SLC16A10: variants seen among roughly 807,000 people sequenced by gnomAD.
The protein encoded by SLC16A10 is solute carrier family 16 member 10.
In SLC16A10, 27 loss-of-function variants were observed where a neutral mutation model predicts 40.0. That is an observed-to-expected ratio of 0.67 (90% CI 0.50 to 0.93). SLC16A10 has a LOEUF of 0.93. Among genes scored for constraint, SLC16A10 ranks in the 40% least tolerant of loss-of-function variants. The pLI is 0.00. For missense variants in SLC16A10, 529 were observed against 658.2 expected (o/e 0.80, Z 2.15); for synonymous variants, 213 against 249.8 (o/e 0.85, Z 1.39).
At chr6:111,138,743 T>G (rs926435221) in intron 1 of SLC16A10, among the ~76,000 whole-genome samples, 1 of 152,058 alleles carries the variant, frequency 6.6e-6, no homozygotes, top group Non-Finnish European at 1.5e-5. Context: ...GCCTCAGCCT[T>G]CCAAGTAGCT....
chr6:111,226,037 C>T lies in SLC16A10; in HGVS notation c.*3802C>T, dbSNP rs1303880245. 1.3e-5 allele frequency: 2 copies of T among 152,048 alleles called. No homozygotes were observed. The highest frequency in any genetic ancestry group is 1.9e-4 in the East Asian group (1 of 5,192). 9.4% of individuals were successfully genotyped at this position (152,048 alleles called of 1,614,324 possible). A position where few individuals can be genotyped will look rare whatever the true frequency, so the allele number is the denominator to read the frequency against. On this transcript the variant is annotated 3_prime_UTR_variant, in exon 6 of 6. Transcript: ENST00000368851. The stretch of plus-strand genomic sequence containing the variant: ...TGGTGAATGGCTTTCTCTCAGCCTT[C>T]GACTTAGTTCTAATGATCTACATTG...
intron 1 of SLC16A10, among the ~76,000 whole-genome samples, chr6:111,158,616 G>A (rs1166199140): frequency 1.3e-5 from 2 of 152,214 alleles, no homozygotes; most frequent in African/African-American, 4.8e-5. Flanking sequence ...GTTCCTAACA[G>A]GCTCGGGGGC....
chr6:111,118,459 A>G (rs1205037438), intron 1 of SLC16A10, among the ~76,000 whole-genome samples: 1 of 152,078 alleles, frequency 6.6e-6, no homozygotes, highest in African/African-American at 2.4e-5. Context: ...AGGCGGGCGG[A>G]TCACGAGGTG....
chr6:111,220,028 G>A (rs1770860504), intron 5 of SLC16A10, among the ~76,000 whole-genome samples: 1 of 152,238 alleles, frequency 6.6e-6, no homozygotes, highest in Non-Finnish European at 1.5e-5. Flanking sequence ...GATCAAGGCT[G>A]CAGAGCCGTG....
chr6:111,210,763 G>A (rs762016301), intron 4 of SLC16A10, among the ~76,000 whole-genome samples: 7 of 152,284 alleles, frequency 4.6e-5, no homozygotes, highest in Non-Finnish European at 8.8e-5. Context: ...TTGGCCGGGC[G>A]CAGTGGTTCA....
In SLC16A10 at chr6:111,087,714, C is replaced by G. The variant is rs1583295095; in HGVS notation, c.-39C>G. ...GGGAGCCCGCTGGTAACTCGCGTCC[C>G]TCGCGCTTCTCCGGCGCCTGAGGGG... On this transcript the variant is annotated 5_prime_UTR_variant, in exon 1 of 6. Coordinates refer to ENST00000368851, the MANE Select transcript of SLC16A10 (RefSeq NM_018593.5). The G allele has an allele frequency of 3.5e-6, 4 of 1,134,872 alleles. No homozygotes were observed. The highest frequency in any genetic ancestry group is 3.2e-5 in the African/African-American group (2 of 61,602). 70.3% of individuals were successfully genotyped at this position (1,134,872 alleles called of 1,614,324 possible). A position where few individuals can be genotyped will look rare whatever the true frequency, so the allele number is the denominator to read the frequency against.
chr6:111,128,696 A>C (rs1771725956), intron 1 of SLC16A10, among the ~76,000 whole-genome samples: 1 of 152,074 alleles, frequency 6.6e-6, no homozygotes, highest in Non-Finnish European at 1.5e-5. Flanking sequence ...GTTGTTCCTT[A>C]TAGAAGATGG....
chr6:111,159,067 CAAAAAAAAAAAA>C (rs548809670), intron 1 of SLC16A10, among the ~76,000 whole-genome samples: 686 of 23,398 alleles, frequency 0.029, 14 homozygotes, highest in Non-Finnish European at 0.041. Flanking sequence ...GACCCTGACT[CAAAAAAAAAAAA>C]AAAAAAAAAA....
At chr6:111,117,716 G>A (rs915504978) in intron 1 of SLC16A10, among the ~76,000 whole-genome samples, 9 of 152,166 alleles carry the variant, frequency 5.9e-5, no homozygotes, top group Admixed American at 2.6e-4. Context: ...TCTTGCCACC[G>A]TAGATAGAAT....
chr6:111,154,483 C>T (rs1369302489), intron 1 of SLC16A10, among the ~76,000 whole-genome samples: 1 of 152,140 alleles, frequency 6.6e-6, no homozygotes, highest in African/African-American at 2.4e-5. Flanking sequence ...TGGCAAACAA[C>T]ATGAAAAGGG....
At chr6:111,181,970 T>G (rs866960968) in intron 3 of SLC16A10, among the ~76,000 whole-genome samples, 1 of 151,982 alleles carries the variant, frequency 6.6e-6, no homozygotes, top group Non-Finnish European at 1.5e-5. Flanking sequence ...CTGGAATCTT[T>G]TTTTGTTTTG....
intron 1 of SLC16A10, among the ~76,000 whole-genome samples, chr6:111,091,026 G>T (rs1770965494): frequency 6.6e-6 from 1 of 152,110 alleles, no homozygotes; most frequent in African/African-American, 2.4e-5. Flanking sequence ...CTTTCCTGTG[G>T]CTAAGCACTT....
chr6:111,185,800 G>T (rs1018731431), intron 3 of SLC16A10, among the ~76,000 whole-genome samples: 1 of 152,018 alleles, frequency 6.6e-6, no homozygotes, highest in African/African-American at 2.4e-5. Context: ...ACATATAAAC[G>T]CTCCGAGGCC....
At chr6:111,112,324 C>T (rs1203316858) in intron 1 of SLC16A10, among the ~76,000 whole-genome samples, 5 of 152,112 alleles carry the variant, frequency 3.3e-5, no homozygotes, top group African/African-American at 7.2e-5. Context: ...AATGAGCCAC[C>T]GTGCCTGGCC....
intron 3 of SLC16A10, among the ~76,000 whole-genome samples, chr6:111,182,754 G>A (rs1413944898): frequency 1.3e-5 from 2 of 152,136 alleles, no homozygotes; most frequent in East Asian, 1.9e-4. Context: ...CATCTCAGGA[G>A]CTGGCAATTC....
chr6:111,212,499 T>G (rs1349853582), intron 4 of SLC16A10, among the ~76,000 whole-genome samples: 1 of 152,102 alleles, frequency 6.6e-6, no homozygotes, highest in African/African-American at 2.4e-5. Context: ...CTAATAATTC[T>G]AAATATTGAG....
chr6:111,110,858 C>T (rs1014253172), intron 1 of SLC16A10, among the ~76,000 whole-genome samples: 20 of 152,118 alleles, frequency 1.3e-4, no homozygotes, highest in African/African-American at 4.6e-4. Flanking sequence ...CACTTCCGTG[C>T]CATATAGCTT....
chr6:111,171,515 G>T (rs2114540826), intron 1 of SLC16A10, among the ~76,000 whole-genome samples: 1 of 152,250 alleles, frequency 6.6e-6, no homozygotes, highest in East Asian at 1.9e-4. Context: ...AAAGAAATAT[G>T]ACTGACTAAA....
chr6:111,114,336 T>C (rs1356261164), intron 1 of SLC16A10, among the ~76,000 whole-genome samples: 1 of 152,222 alleles, frequency 6.6e-6, no homozygotes, highest in African/African-American at 2.4e-5. Flanking sequence ...TCTGATGTGA[T>C]GCCATTTCCT....
Sources: allele counts gnomAD v4.1 joint callset (sites outside exome capture counted in the v4.1 genomes callset), GRCh38; gene constraint gnomAD v4.1.1; transcripts MANE v1.5; gene names NCBI Gene and HGNC (gene_info 2026-07-23, HGNC 2026-07-21).